The following CNTN3 variants were observed in gnomAD, a reference collection of about 807,000 sequenced individuals.
CNTN3 encodes contactin-3.
A neutral mutation model predicts 119.1 loss-of-function variants in CNTN3; 60 were observed. That is an observed-to-expected ratio of 0.50 (90% CI 0.41 to 0.62). The LOEUF (loss-of-function observed/expected upper bound fraction) is 0.62. Among genes scored for constraint, CNTN3 ranks in the 20% least tolerant of loss-of-function variants. The pLI is 0.00. For missense variants in CNTN3, 1,101 were observed against 1,242.4 expected (o/e 0.89, Z 1.71); for synonymous variants, 450 against 438.7 (o/e 1.03, Z -0.32).
chr3:74,479,491 A>T (rs904900338), intron 4 of CNTN3, among the ~76,000 whole-genome samples: 1 of 152,158 alleles, frequency 6.6e-6, no homozygotes, highest in African/African-American at 2.4e-5. Flanking sequence ...ATTCTGAAAG[A>T]AAAAGATTTG....
intron 1 of CNTN3, among the ~76,000 whole-genome samples, chr3:74,570,872 T>C (rs745802705): frequency 1.3e-5 from 2 of 152,222 alleles, no homozygotes; most frequent in Non-Finnish European, 2.9e-5. Context: ...GGAATTTGAC[T>C]GTAGAATTTA....
At chr3:74,594,612 C>A (rs1025195309) in intron 1 of CNTN3, among the ~76,000 whole-genome samples, 2 of 152,124 alleles carry the variant, frequency 1.3e-5, no homozygotes, top group African/African-American at 2.4e-5. Context: ...CATGTCCCTA[C>A]AAAGGACATG....
intron 17 of CNTN3, among the ~76,000 whole-genome samples, chr3:74,298,681 G>A (rs1024649155): frequency 5.9e-5 from 9 of 151,440 alleles, no homozygotes; most frequent in Non-Finnish European, 8.8e-5. Context: ...TGGCCATCAC[G>A]AGGTCAGGAG....
Position 74,407,474 on chromosome 3 carries a change from T to C in CNTN3, c.454+17371A>G, listed in dbSNP as rs1701352837. Among the ~76,000 whole-genome samples the C allele has an allele frequency of 3.4e-5, 5 of 148,334 alleles. No homozygotes were observed. In the Admixed American group the frequency reaches 3.4e-4, roughly 10 times the overall value. ...TTTTAGTAGAGACAGGGTTTCTCCA[T>C]GTTGGTCAGGCTGGTCTCAAACTCC... On this transcript the variant is annotated intron_variant, in intron 5 of 22. Transcript: ENST00000263665.
At chr3:74,535,354 A>G (rs182482662) in intron 1 of CNTN3, among the ~76,000 whole-genome samples, 120 of 152,260 alleles carry the variant, frequency 7.9e-4, no homozygotes, top group Admixed American at 1.6e-3. Flanking sequence ...TTACACCCAC[A>G]GTATCAACTT....
chr3:74,605,450 T>G (rs1704976235), intron 1 of CNTN3, among the ~76,000 whole-genome samples: 5 of 152,170 alleles, frequency 3.3e-5, no homozygotes, highest in Admixed American at 3.3e-4. Context: ...AAAAAGTTTG[T>G]GTGTGTTATT....
chr3:74,566,790 A>G (rs1272886615), intron 1 of CNTN3, among the ~76,000 whole-genome samples: 1 of 152,196 alleles, frequency 6.6e-6, no homozygotes, highest in African/African-American at 2.4e-5. Flanking sequence ...AACACACAGC[A>G]ATAGAGGCTA....
At chr3:74,299,828 A>G (rs781488926) in intron 17 of CNTN3, 40 bp downstream of exon 17, 1 of 1,551,264 alleles carries the variant, frequency 6.4e-7, no homozygotes, top group Admixed American at 1.8e-5. Context: ...TCATGGGAAC[A>G]GCAAGACCCT....
intron 4 of CNTN3, among the ~76,000 whole-genome samples, chr3:74,465,390 T>C (rs1331081927): frequency 1.3e-5 from 2 of 152,050 alleles, no homozygotes; most frequent in East Asian, 1.9e-4. Context: ...GATTGGTACA[T>C]GATTTAAAAC....
At chr3:74,349,072 C>T (rs1054963496) in intron 11 of CNTN3, among the ~76,000 whole-genome samples, 5 of 148,924 alleles carry the variant, frequency 3.4e-5, no homozygotes, top group Admixed American at 6.7e-5. Flanking sequence ...GGTGACACAG[C>T]GAGACCCTGT....
chr3:74,319,379 G>A (rs1418140935), intron 13 of CNTN3, among the ~76,000 whole-genome samples: 1 of 152,140 alleles, frequency 6.6e-6, no homozygotes, highest in Non-Finnish European at 1.5e-5. Context: ...ACAACCATCT[G>A]ATCTTTGACA....
chr3:74,453,932 T>C (rs1309082314), intron 4 of CNTN3, among the ~76,000 whole-genome samples: 1 of 152,110 alleles, frequency 6.6e-6, no homozygotes, highest in Non-Finnish European at 1.5e-5. Context: ...TACTTCCAAA[T>C]ATGTGGTCAA....
In CNTN3 at chr3:74,429,738, T is replaced by C. The variant is rs79153298; in HGVS notation, c.359-4798A>G. On this transcript the variant is annotated intron_variant, in intron 4 of 22. Transcript: ENST00000263665. ...GGAGGATATACTTGAAAACCACTTA[T>C]CCACTAAAGAAAGAGTATCTAGAAT... Among the ~76,000 whole-genome samples the C allele has an allele frequency of 4.8e-3, 729 of 152,018 alleles. 5 individuals carry two copies. Among genetic ancestry groups the C allele is most frequent in the African/African-American group, 0.016 (673 of 41,480 alleles).
At chr3:74,451,121 G>C (rs1258447922) in intron 4 of CNTN3, among the ~76,000 whole-genome samples, 1 of 151,998 alleles carries the variant, frequency 6.6e-6, no homozygotes, top group Non-Finnish European at 1.5e-5. Flanking sequence ...CTAGTTTACA[G>C]TCCCACCAAC....
At chr3:74,564,737 T>C (rs1704202084) in intron 1 of CNTN3, among the ~76,000 whole-genome samples, 1 of 152,028 alleles carries the variant, frequency 6.6e-6, no homozygotes, top group Non-Finnish European at 1.5e-5. Flanking sequence ...TGTTCTTGGC[T>C]GTGTAATCTC....
At chr3:74,391,460 A>T (rs1704898788) in intron 5 of CNTN3, among the ~76,000 whole-genome samples, 1 of 152,128 alleles carries the variant, frequency 6.6e-6, no homozygotes, top group African/African-American at 2.4e-5. Flanking sequence ...TGGAGAAGAT[A>T]AAATAACTTA....
chr3:74,301,282 T>C (rs1463975639), intron 16 of CNTN3, 116 bp downstream of exon 16: 4 of 1,075,540 alleles, frequency 3.7e-6, no homozygotes, highest in Non-Finnish European at 5.4e-6. Flanking sequence ...AAAGGTTAGA[T>C]AACTGCAACA....
chr3:74,556,970 C>A (rs1002748996), intron 1 of CNTN3, among the ~76,000 whole-genome samples: 2 of 152,102 alleles, frequency 1.3e-5, no homozygotes, highest in Non-Finnish European at 2.9e-5. Context: ...ATCCTTTGTC[C>A]AGTTTTCAAC....
chr3:74,298,035 C>T lies in CNTN3; in HGVS notation c.2323G>A (p.Glu775Lys). 1.2e-6 allele frequency: 2 copies of T among 1,614,062 alleles called. No individual in the cohort carries two copies. Among genetic ancestry groups the T allele is most frequent in the Non-Finnish European group, 1.7e-6 (2 of 1,179,970 alleles). The change falls in exon 18 of 23, where the codon GAA becomes AAA. Residue 775 changes from glutamate to lysine, a missense_variant. Physicochemically the swap from Glu to Lys is moderately conservative, Grantham distance 56. Transcript: ENST00000263665. ...TTATTATAAACACCCACTTTAACTTCATATGGTGAATATGGCACGATGCTT... is the reference window on the plus strand; with the variant it reads ...TTATTATAAACACCCACTTTAACTTTATATGGTGAATATGGCACGATGCTT... ...NESIVPYSPY[E>K]VKVGVYNNKG...
Sources: allele counts gnomAD v4.1 joint callset (sites outside exome capture counted in the v4.1 genomes callset), GRCh38; gene constraint gnomAD v4.1.1; transcripts MANE v1.5; gene names NCBI Gene and HGNC (gene_info 2026-07-23, HGNC 2026-07-21).